Variants in RNF150 observed in about 807,000 individuals in gnomAD.
RNF150 encodes the protein ring finger protein 150.
A neutral mutation model predicts 39.3 loss-of-function variants in RNF150; 24 were observed. That is an observed-to-expected ratio of 0.61 (90% confidence interval 0.44 to 0.86). The LOEUF is 0.86. RNF150 is among the 40% of genes least tolerant of loss of function. The probability of loss-of-function intolerance (pLI) is 0.00; values close to 1 mark genes in which losing one functional copy is unlikely to be tolerated. For missense variants in RNF150, 502 were observed against 587.8 expected (o/e 0.85, Z 1.51); for synonymous variants, 255 against 227.3 (o/e 1.12, Z -1.10).
At chr4:140,927,434 A>G (rs1356891031) in intron 4 of RNF150, among the ~76,000 whole-genome samples, 1 of 151,934 alleles carries the variant, frequency 6.6e-6, no homozygotes, top group Non-Finnish European at 1.5e-5. Flanking sequence ...TGTTCTTGTG[A>G]TAGTGATTTC....
intron 1 of RNF150, among the ~76,000 whole-genome samples, chr4:141,188,867 A>G (rs1449524047): frequency 2.0e-5 from 3 of 152,164 alleles, no homozygotes; most frequent in Non-Finnish European, 4.4e-5. Context: ...ACCTTCTTGA[A>G]GCCAACTTCT....
intron 1 of RNF150, among the ~76,000 whole-genome samples, chr4:141,210,676 AT>A (rs1482645882): frequency 5.3e-5 from 8 of 151,902 alleles, no homozygotes; most frequent in African/African-American, 1.9e-4. Flanking sequence ...ACAGTTTGAA[AT>A]TTCTTGTCTT....
At chr4:141,026,330 A>G (rs2110805330) in intron 1 of RNF150, among the ~76,000 whole-genome samples, 1 of 152,354 alleles carries the variant, frequency 6.6e-6, no homozygotes, top group East Asian at 1.9e-4. Flanking sequence ...TATATTGGAG[A>G]GAATGATTTA....
intron 1 of RNF150, among the ~76,000 whole-genome samples, chr4:141,182,072 C>T (rs1483073050): frequency 6.6e-6 from 1 of 151,824 alleles, no homozygotes; most frequent in Non-Finnish European, 1.5e-5. Context: ...GAGCCAAAGA[C>T]AAAAACCACA....
intron 1 of RNF150, among the ~76,000 whole-genome samples, chr4:141,032,322 A>T (rs529698951): frequency 6.6e-6 from 1 of 152,298 alleles, no homozygotes; most frequent in East Asian, 1.9e-4. Flanking sequence ...AAGGGTACAA[A>T]GCTTCAGTTA....
chr4:140,962,389 TAC>T (rs1733075014), intron 2 of RNF150, among the ~76,000 whole-genome samples: 1 of 151,694 alleles, frequency 6.6e-6, no homozygotes, highest in Non-Finnish European at 1.5e-5. Context: ...CATATATATA[TAC>T]ACACACATAT....
chr4:141,106,830 A>G (rs911106651), intron 1 of RNF150, among the ~76,000 whole-genome samples: 2 of 151,940 alleles, frequency 1.3e-5, no homozygotes, highest in South Asian at 4.1e-4. Flanking sequence ...TCCATCTACA[A>G]TATTCTAGTC....
intron 6 of RNF150, among the ~76,000 whole-genome samples, chr4:140,880,380 G>A (rs62344971): frequency 0.14 from 21,248 of 151,828 alleles, 1,764 homozygotes; most frequent in East Asian, 0.39. Flanking sequence ...ATCTTTTAAT[G>A]TACTGTTTAA....
At chr4:140,988,389 G>A (rs1308442786) in intron 1 of RNF150, among the ~76,000 whole-genome samples, 4 of 151,804 alleles carry the variant, frequency 2.6e-5, no homozygotes, top group Non-Finnish European at 4.4e-5. Flanking sequence ...AGAAAATGTG[G>A]TACATCTACA....
chr4:140,963,757 C>A (rs72722385), intron 2 of RNF150, among the ~76,000 whole-genome samples: 422 of 152,032 alleles, frequency 2.8e-3, no homozygotes, highest in Non-Finnish European at 4.7e-3. Flanking sequence ...CCATTAATAT[C>A]ATCCATTTAT....
At chr4:141,164,708 C>T (rs1450318793) in intron 1 of RNF150, among the ~76,000 whole-genome samples, 2 of 152,114 alleles carry the variant, frequency 1.3e-5, no homozygotes, top group South Asian at 2.1e-4. Context: ...CCAAATTAAG[C>T]TTCATAAGTG....
At chr4:140,960,526 G>A (rs1014086052) in intron 2 of RNF150, among the ~76,000 whole-genome samples, 3 of 152,182 alleles carry the variant, frequency 2.0e-5, no homozygotes, top group Non-Finnish European at 4.4e-5. Flanking sequence ...CCAATCCTGT[G>A]ATTAGAGGGT....
chr4:140,902,648 A>G (rs1343204642), intron 6 of RNF150, among the ~76,000 whole-genome samples: 1 of 152,230 alleles, frequency 6.6e-6, no homozygotes, highest in African/African-American at 2.4e-5. Context: ...ATAACATGCT[A>G]TCATAGCTAT....
At chr4:141,003,566 TACACACACACACACACAC>T (rs70946725) in intron 1 of RNF150, among the ~76,000 whole-genome samples, 2 of 142,460 alleles carry the variant, frequency 1.4e-5, no homozygotes, top group Admixed American at 7.0e-5. Flanking sequence ...CCCTAGCACG[TACACACACACACACACAC>T]ACACACACAC....
chr4:140,969,979 G>A (rs1005308622), intron 1 of RNF150, among the ~76,000 whole-genome samples: 4 of 151,944 alleles, frequency 2.6e-5, no homozygotes, highest in African/African-American at 7.2e-5. Context: ...GGCCAGGCTC[G>A]TCTTGAACTC....
chr4:140,973,486 T>A (rs1733540681), intron 1 of RNF150, among the ~76,000 whole-genome samples: 1 of 152,144 alleles, frequency 6.6e-6, no homozygotes, highest in South Asian at 2.1e-4. Context: ...CCTATTATCC[T>A]GTTGGGGTAG....
In RNF150 at chr4:141,210,222, C is replaced by G. The variant is rs553386877; in HGVS notation, c.-6+2572G>C. ...CTTGGCTGGTTTTAATCTGTGGACACTCTGGAGGCCTAAGTTGACAATTCT... is the reference window on the plus strand; with the variant it reads ...CTTGGCTGGTTTTAATCTGTGGACAGTCTGGAGGCCTAAGTTGACAATTCT... On this transcript the variant is annotated intron_variant, in intron 1 of 7. Coordinates refer to the RNF150 transcript ENST00000420921. 7.9e-5 allele frequency among the ~76,000 whole-genome samples: 12 copies of G among 152,186 alleles called. No homozygotes were observed. In the South Asian group the frequency reaches 2.5e-3, roughly 32 times the overall value.
chr4:140,899,974 C>CTCTCTCTCTGTG (rs1365683071), intron 6 of RNF150, among the ~76,000 whole-genome samples: 12 of 69,218 alleles, frequency 1.7e-4, no homozygotes, highest in African/African-American at 5.2e-4. Flanking sequence ...CTCTCTCTCT[C>CTCTCTCTCTGTG]TGTGTGTGTG....
intron 6 of RNF150, among the ~76,000 whole-genome samples, chr4:140,899,475 A>T (rs1220827896): frequency 6.6e-6 from 1 of 152,194 alleles, no homozygotes; most frequent in Non-Finnish European, 1.5e-5. Flanking sequence ...ATTCCTAGAC[A>T]TCTAATTCTA....
Sources: allele counts gnomAD v4.1 joint callset (sites outside exome capture counted in the v4.1 genomes callset), GRCh38; gene constraint gnomAD v4.1.1; transcripts MANE v1.5; gene names NCBI Gene and HGNC (gene_info 2026-07-23, HGNC 2026-07-21).